ZSWIM6: variants seen among roughly 807,000 people sequenced by gnomAD.
ZSWIM6 encodes the protein zinc finger SWIM domain-containing protein 6.
ZSWIM6 carries 9 observed loss-of-function variants against 113.2 expected under a neutral mutation model. The ratio of observed to expected loss-of-function variants is 0.08; its 90% CI spans 0.05 to 0.14. The LOEUF is 0.14. Ranked by LOEUF, ZSWIM6 falls within the 10% of genes least tolerant of loss-of-function variation. The probability of loss-of-function intolerance (pLI) is 1.00; values close to 1 mark genes in which losing one functional copy is unlikely to be tolerated. For missense variants in ZSWIM6, 1,162 were observed against 1,552.2 expected (o/e 0.75, Z 4.22); for synonymous variants, 611 against 606.5 (o/e 1.01, Z -0.11).
At position 61,385,989 on chromosome 5, in the gene ZSWIM6, G is replaced by A. The variant is rs560485971; in HGVS notation, c.676+53041G>A. On this transcript the variant is annotated intron_variant, in intron 1 of 13. Transcript: ENST00000252744. The stretch of plus-strand genomic sequence containing the variant: ...GTGGTGGGCACAGGTAGGCATAGGA[G>A]GGAATGGAAACAGTGGCACTATTGC... Among the ~76,000 whole-genome samples, 3 of 152,328 alleles carry A rather than the reference G, an allele frequency of 2.0e-5. No individual in the cohort carries two copies. In the East Asian group the frequency reaches 5.8e-4, roughly 29 times the overall value.
intron 1 of ZSWIM6, among the ~76,000 whole-genome samples, chr5:61,411,167 G>A (rs1420495659): frequency 6.6e-6 from 1 of 152,080 alleles, no homozygotes; most frequent in East Asian, 1.9e-4. Context: ...TTTAGAATGA[G>A]GTTTCCTTTC....
chr5:61,425,913 T>C (rs546909059), intron 1 of ZSWIM6, among the ~76,000 whole-genome samples: 1 of 152,252 alleles, frequency 6.6e-6, no homozygotes, highest in Non-Finnish European at 1.5e-5. Flanking sequence ...TCGAACGTTA[T>C]GTTCATTTAG....
intron 1 of ZSWIM6, among the ~76,000 whole-genome samples, chr5:61,418,353 C>T (rs1407979756): frequency 6.6e-6 from 1 of 152,030 alleles, no homozygotes; most frequent in African/African-American, 2.4e-5. Flanking sequence ...CTGCAACCTC[C>T]GCTTCCCGGG....
intron 1 of ZSWIM6, among the ~76,000 whole-genome samples, chr5:61,398,715 T>C (rs1745887030): frequency 6.6e-6 from 1 of 152,190 alleles, no homozygotes; most frequent in Non-Finnish European, 1.5e-5. Context: ...AGAGGTTCAT[T>C]ACAATTTTGA....
chr5:61,443,206 C>G (rs548929471), intron 1 of ZSWIM6, among the ~76,000 whole-genome samples: 87 of 152,296 alleles, frequency 5.7e-4, no homozygotes, highest in African/African-American at 2.0e-3. Flanking sequence ...CAAAGCAAAA[C>G]AACAATTGTG....
At chr5:61,440,628 C>T (rs2112146393) in intron 1 of ZSWIM6, among the ~76,000 whole-genome samples, 1 of 152,262 alleles carries the variant, frequency 6.6e-6, no homozygotes, top group South Asian at 2.1e-4. Flanking sequence ...AATACCTTTT[C>T]CCCACAGGTC....
chr5:61,520,681 A>G lies in ZSWIM6; in HGVS notation c.1334-582A>G, dbSNP rs978611160. On this transcript the variant is annotated intron_variant, in intron 4 of 13. Transcript: ENST00000252744. ...ATATTTTACTGACGGATAAATATGC[A>G]TACTAATTAATAAACATAATAAAGT... Among the ~76,000 whole-genome samples, 7 of 152,272 alleles carry G rather than the reference A, an allele frequency of 4.6e-5. No individual in the cohort carries two copies. In the South Asian group the frequency reaches 6.2e-4, roughly 14 times the overall value.
intron 5 of ZSWIM6, among the ~76,000 whole-genome samples, chr5:61,523,635 A>G (rs1433773475): frequency 1.3e-5 from 2 of 152,194 alleles, no homozygotes; most frequent in Non-Finnish European, 2.9e-5. Context: ...TTACTGCACA[A>G]TTGAATAGCC....
chr5:61,369,507 G>T (rs557014421), intron 1 of ZSWIM6, among the ~76,000 whole-genome samples: 19 of 152,290 alleles, frequency 1.2e-4, no homozygotes, highest in Middle Eastern at 3.4e-3. Flanking sequence ...CAGGGCTCAG[G>T]CTTAGATGAC....
At chr5:61,450,453 T>A (rs1034786378) in intron 1 of ZSWIM6, among the ~76,000 whole-genome samples, 2 of 152,194 alleles carry the variant, frequency 1.3e-5, no homozygotes, top group African/African-American at 4.8e-5. Flanking sequence ...CTCATTTATG[T>A]GATTTATTTA....
At chr5:61,528,033 C>A (rs943529870) in intron 7 of ZSWIM6, among the ~76,000 whole-genome samples, 1 of 152,072 alleles carries the variant, frequency 6.6e-6, no homozygotes, top group Admixed American at 6.5e-5. Flanking sequence ...GCTATGAAAA[C>A]TTTTATTTCC....
chr5:61,456,261 G>A (rs1162258543), intron 1 of ZSWIM6, among the ~76,000 whole-genome samples: 1 of 152,048 alleles, frequency 6.6e-6, no homozygotes, highest in Non-Finnish European at 1.5e-5. Context: ...AACCAAATTT[G>A]TTTTAGGAGA....
rs542788991 is a variant in ZSWIM6, at chr5:61,439,970, A to G, written c.677-32711A>G. Among the ~76,000 whole-genome samples the G allele has an allele frequency of 5.9e-5, 9 of 152,290 alleles. No individual in the cohort carries two copies. The East Asian group carries it at 1.7e-3, about 29-fold the overall frequency. ...CCCTTTCTACCTAATCTGGATTGCC[A>G]GGAATATGCTTGAAATGCCAAATCA... On this transcript the variant is annotated intron_variant, in intron 1 of 13. Transcript: ENST00000252744.
chr5:61,480,104 G>A (rs1434938374), intron 2 of ZSWIM6, among the ~76,000 whole-genome samples: 1 of 151,968 alleles, frequency 6.6e-6, no homozygotes, highest in Admixed American at 6.6e-5. Context: ...GATAAGTAAT[G>A]GAAAATAACT....
chr5:61,390,898 T>C, intron 1 of ZSWIM6: 1 of 883,704 alleles, frequency 1.1e-6, no homozygotes, highest in Non-Finnish European at 1.9e-6. Context: ...ACAAAGTCAT[T>C]GGTCACTTCA....
At chr5:61,496,369 G>GTTCT (rs1748315242) in intron 4 of ZSWIM6, among the ~76,000 whole-genome samples, 1 of 152,136 alleles carries the variant, frequency 6.6e-6, no homozygotes, top group Non-Finnish European at 1.5e-5. Flanking sequence ...TCACGTAGAA[G>GTTCT]TAACAGTAAG....
chr5:61,495,268 G>A (rs146477101), intron 4 of ZSWIM6, among the ~76,000 whole-genome samples: 2 of 152,160 alleles, frequency 1.3e-5, no homozygotes, highest in African/African-American at 2.4e-5. Context: ...GCTGTTGTCC[G>A]TGAAGATACC....
Position 61,545,009 on chromosome 5 carries a change from A to G in ZSWIM6, c.*692A>G, listed in dbSNP as rs1749848702. The G allele has an allele frequency of 6.6e-6, 1 of 151,914 alleles. No individual in the cohort carries two copies. Among genetic ancestry groups the G allele is most frequent in the Non-Finnish European group, 1.5e-5 (1 of 67,988 alleles). 9.4% of individuals were successfully genotyped at this position (151,914 alleles called of 1,614,324 possible). On this transcript the variant is annotated 3_prime_UTR_variant, in exon 14 of 14. Coordinates refer to ENST00000252744, the MANE Select transcript of ZSWIM6 (RefSeq NM_020928.2). ...TCTGAATATTGAAAATATAACATTA[A>G]CTAATTTATAAAAAATATTCTATGT... is the stretch of plus-strand genomic sequence containing the variant.
chr5:61,447,395 A>G (rs1182249642), intron 1 of ZSWIM6, among the ~76,000 whole-genome samples: 1 of 152,200 alleles, frequency 6.6e-6, no homozygotes, highest in Non-Finnish European at 1.5e-5. Context: ...CCAAACTGAA[A>G]CAGAAAGGTT....
Sources: gnomAD v4.1 joint callset for allele counts (sites outside exome capture counted in the v4.1 genomes callset) on GRCh38, gnomAD v4.1.1 for gene constraint, MANE v1.5 for transcripts, NCBI Gene and HGNC (gene_info 2026-07-23, HGNC 2026-07-21) for gene names.